The following XIRP2 variants were observed in gnomAD, a reference collection of about 807,000 sequenced individuals.
The protein encoded by XIRP2 is xin actin-binding repeat-containing protein 2.
Under a neutral mutation model 277.0 loss-of-function variants are expected in XIRP2, and 236 were observed. That is an observed-to-expected ratio of 0.85 (90% CI 0.77 to 0.95). The LOEUF (loss-of-function observed/expected upper bound fraction) is 0.95, where lower values mean the gene tolerates loss of function less well. Ranked by LOEUF, XIRP2 falls within the 40% of genes least tolerant of loss-of-function variation. The pLI is 0.00. For missense variants in XIRP2, 4,640 were observed against 4,157.5 expected, an observed-to-expected ratio of 1.12 and a Z score of -3.19; for synonymous variants, 1,490 against 1,416.5, an observed-to-expected ratio of 1.05 and a Z score of -1.17.
In XIRP2 at chr2:167,212,518, A is replaced by G. The variant is rs1243875047; in HGVS notation, c.723+1623A>G. On this transcript the variant is annotated intron_variant, in intron 4 of 10. Coordinates refer to ENST00000409195, the MANE Select transcript of XIRP2 (RefSeq NM_152381.6). ...CCCATTATTTAATACAAAATCAAAAACTTTAGGGCTAATCTCAAAATGTCT... is the reference window on the plus strand; with the variant it reads ...CCCATTATTTAATACAAAATCAAAAGCTTTAGGGCTAATCTCAAAATGTCT... Among the ~76,000 whole-genome samples, 3 of 152,154 alleles carry G rather than the reference A, an allele frequency of 2.0e-5. No homozygotes were observed. In the East Asian group the frequency reaches 5.9e-4, roughly 30 times the overall value.
At chr2:167,034,816 C>T (rs1688467344) in intron 2 of XIRP2, among the ~76,000 whole-genome samples, 1 of 152,146 alleles carries the variant, frequency 6.6e-6, no homozygotes, top group African/African-American at 2.4e-5. Flanking sequence ...AAGAGATTGA[C>T]CTGATATGGT....
At chr2:167,054,033 A>G (rs1688982863) in intron 2 of XIRP2, among the ~76,000 whole-genome samples, 1 of 152,198 alleles carries the variant, frequency 6.6e-6, no homozygotes, top group African/African-American at 2.4e-5. Flanking sequence ...GGAAATTTTA[A>G]CATATTGGGG....
At chr2:166,906,524 A>G (rs1684529772) in intron 2 of XIRP2, among the ~76,000 whole-genome samples, 1 of 152,142 alleles carries the variant, frequency 6.6e-6, no homozygotes, top group Non-Finnish European at 1.5e-5. Context: ...GTATATGTAT[A>G]TGTACACAGT....
chr2:166,965,791 A>G (rs1403250579), intron 2 of XIRP2, among the ~76,000 whole-genome samples: 13 of 151,640 alleles, frequency 8.6e-5, no homozygotes, highest in Admixed American at 8.6e-4. Flanking sequence ...CTATCTTGCT[A>G]AGGTTGGTCT....
chr2:167,014,743 C>T (rs1287573855), intron 2 of XIRP2, among the ~76,000 whole-genome samples: 1 of 151,758 alleles, frequency 6.6e-6, no homozygotes, highest in Non-Finnish European at 1.5e-5. Flanking sequence ...GCAATGATAG[C>T]TAACATTCAT....
intron 2 of XIRP2, among the ~76,000 whole-genome samples, chr2:166,951,086 G>A (rs1175859899): frequency 2.6e-5 from 4 of 152,056 alleles, no homozygotes; most frequent in Admixed American, 1.3e-4. Flanking sequence ...ACGACGGAGT[G>A]GAGAATGGAA....
intron 3 of XIRP2, among the ~76,000 whole-genome samples, chr2:167,177,688 CT>C (rs1475454545): frequency 6.6e-6 from 1 of 152,116 alleles, no homozygotes; most frequent in Admixed American, 6.6e-5. Context: ...TAATGAAACA[CT>C]ACACTTATCT....
At chr2:167,252,422 C>G (rs776124890) in intron 9 of XIRP2, among the ~76,000 whole-genome samples, 3 of 151,896 alleles carry the variant, frequency 2.0e-5, no homozygotes, top group Non-Finnish European at 4.4e-5. Flanking sequence ...TTTTATTGAT[C>G]TGTATCTCTG....
At chr2:167,138,237 T>A (rs545646341) in intron 3 of XIRP2, among the ~76,000 whole-genome samples, 4 of 152,280 alleles carry the variant, frequency 2.6e-5, no homozygotes, top group South Asian at 4.1e-4. Flanking sequence ...ATTTTTAAAA[T>A]TACACTTATA....
chr2:167,223,066 C>T (rs1486211775), intron 5 of XIRP2, among the ~76,000 whole-genome samples: 2 of 152,086 alleles, frequency 1.3e-5, no homozygotes, highest in Non-Finnish European at 2.9e-5. Context: ...TTCTTTGTGG[C>T]CACATTCTCA....
Position 166,925,355 on chromosome 2 carries a change from T to C in XIRP2, c.408+21465T>C, listed in dbSNP as rs755437202. ...ATGACTGATGCATTCAGAGATATTA[T>C]ATTTCTAGTGCTAGGTATGTTCCAG... is the stretch of plus-strand genomic sequence containing the variant. On this transcript the variant is annotated intron_variant, in intron 2 of 10. Coordinates refer to ENST00000409195, the MANE Select transcript of XIRP2 (RefSeq NM_152381.6). 5.4e-4 allele frequency among the ~76,000 whole-genome samples: 82 copies of C among 151,994 alleles called. 1 individual carries two copies. The highest frequency in any genetic ancestry group is 5.6e-4 in the Non-Finnish European group (38 of 67,934).
chr2:167,254,266 C>T, intron 10 of XIRP2, 101 bp downstream of exon 10: 1 of 1,301,664 alleles, frequency 7.7e-7, no homozygotes, highest in Non-Finnish European at 1.0e-6. Flanking sequence ...GATCTTGTTG[C>T]TGCGTCAGTT....
At chr2:166,910,479 G>T (rs185617986) in intron 2 of XIRP2, among the ~76,000 whole-genome samples, 31 of 151,744 alleles carry the variant, frequency 2.0e-4, no homozygotes, top group African/African-American at 7.0e-4. Context: ...CATTTTTTAT[G>T]GCATCTATTT....
chr2:167,020,255 C>T (rs1035961239), intron 2 of XIRP2, among the ~76,000 whole-genome samples: 1 of 151,770 alleles, frequency 6.6e-6, no homozygotes, highest in Non-Finnish European at 1.5e-5. Flanking sequence ...TCTTTCAGGC[C>T]AAAGTTTATG....
At chr2:167,114,602 C>T (rs545651812) in intron 2 of XIRP2, among the ~76,000 whole-genome samples, 1 of 151,808 alleles carries the variant, frequency 6.6e-6, no homozygotes. Context: ...CCCTTCCCCC[C>T]ACCCCACAAC....
At chr2:166,938,061 A>AT (rs1384862499) in intron 2 of XIRP2, among the ~76,000 whole-genome samples, 1 of 151,968 alleles carries the variant, frequency 6.6e-6, no homozygotes, top group Non-Finnish European at 1.5e-5. Context: ...GGATTCATTG[A>AT]TTTTTTGAAG....
At chr2:166,936,983 A>T (rs1413888486) in intron 2 of XIRP2, among the ~76,000 whole-genome samples, 1 of 152,200 alleles carries the variant, frequency 6.6e-6, no homozygotes, top group Non-Finnish European at 1.5e-5. Context: ...GATGGCATTA[A>T]ATCTATAAAT....
chr2:167,211,276 T>C (rs1266112885), intron 4 of XIRP2, among the ~76,000 whole-genome samples: 2 of 152,064 alleles, frequency 1.3e-5, no homozygotes, highest in Non-Finnish European at 2.9e-5. Context: ...TTTGTATTTT[T>C]AGTAGAGACA....
At chr2:166,922,462 T>G (rs1685071998) in intron 2 of XIRP2, among the ~76,000 whole-genome samples, 1 of 152,108 alleles carries the variant, frequency 6.6e-6, no homozygotes, top group Non-Finnish European at 1.5e-5. Context: ...ATTGTGACTC[T>G]CCAGTATTGA....
Sources: gnomAD v4.1 joint callset for allele counts (sites outside exome capture counted in the v4.1 genomes callset) on GRCh38, gnomAD v4.1.1 for gene constraint, MANE v1.5 for transcripts, NCBI Gene and HGNC (gene_info 2026-07-23, HGNC 2026-07-21) for gene names.